The following STAG1 variants were observed in gnomAD, a reference collection of about 807,000 sequenced individuals.
The protein encoded by STAG1 is cohesin subunit SA-1.
STAG1 carries 26 observed loss-of-function variants against 170.9 expected under a neutral mutation model. The observed-to-expected ratio is 0.15, with a 90% CI of 0.11 to 0.21. STAG1 has a LOEUF of 0.21. Among genes scored for constraint, STAG1 ranks in the 10% least tolerant of loss-of-function variants. The pLI is 1.00. For missense variants in STAG1, 964 were observed against 1,509.5 expected, an observed-to-expected ratio of 0.64 and a Z score of 5.99; for synonymous variants, 514 against 497.7, an observed-to-expected ratio of 1.03 and a Z score of -0.44.
chr3:136,746,096 CA>C (rs949545667), intron 1 of STAG1, among the ~76,000 whole-genome samples: 2 of 152,190 alleles, frequency 1.3e-5, no homozygotes, highest in African/African-American at 4.8e-5. Flanking sequence ...ACCAAAATAA[CA>C]GAAAACTTCC....
intron 1 of STAG1, among the ~76,000 whole-genome samples, chr3:136,683,677 T>C (rs1388098557): frequency 2.6e-5 from 4 of 152,208 alleles, no homozygotes; most frequent in Non-Finnish European, 4.4e-5. Flanking sequence ...TTCGACAATG[T>C]AATGGAAGTC....
chr3:136,507,211 T>C (rs1328351736), intron 7 of STAG1, among the ~76,000 whole-genome samples: 1 of 152,202 alleles, frequency 6.6e-6, no homozygotes, highest in East Asian at 1.9e-4. Context: ...ACACACCATA[T>C]TGTCTCTCAC....
At chr3:136,348,271 T>C (rs1936308342) in intron 29 of STAG1, among the ~76,000 whole-genome samples, 1 of 152,022 alleles carries the variant, frequency 6.6e-6, no homozygotes, top group African/African-American at 2.4e-5. Context: ...GAATGCTTTG[T>C]TTTAATAGAG....
At chr3:136,365,540 A>T (rs1483510535) in intron 25 of STAG1, among the ~76,000 whole-genome samples, 1 of 152,158 alleles carries the variant, frequency 6.6e-6, no homozygotes, top group Admixed American at 6.5e-5. Context: ...TCCACCCTAA[A>T]TATTTTTCAT....
intron 5 of STAG1, among the ~76,000 whole-genome samples, chr3:136,564,329 T>C (rs1936971834): frequency 6.6e-6 from 1 of 151,854 alleles, no homozygotes; most frequent in African/African-American, 2.4e-5. Context: ...TACAAAAGAG[T>C]TTATCAATTT....
chr3:136,451,960 AAATT>A, intron 14 of STAG1, 69 bp downstream of exon 14: 1 of 1,019,796 alleles, frequency 9.8e-7, no homozygotes. Flanking sequence ...TGATTGAAAA[AAATT>A]AAAATGAATT....
At chr3:136,714,735 A>AAAATAAAT (rs568756439) in intron 1 of STAG1, among the ~76,000 whole-genome samples, 3 of 150,656 alleles carry the variant, frequency 2.0e-5, no homozygotes, top group African/African-American at 7.3e-5. Flanking sequence ...CTCAAAAATA[A>AAAATAAAT]AAATAAATAA....
chr3:136,667,456 G>A (rs1214673567), intron 1 of STAG1, among the ~76,000 whole-genome samples: 2 of 152,174 alleles, frequency 1.3e-5, no homozygotes, highest in Non-Finnish European at 2.9e-5. Context: ...GTGAGATTAT[G>A]ACATAGGTAT....
chr3:136,714,170 C>T (rs1347837568), intron 1 of STAG1, among the ~76,000 whole-genome samples: 2 of 152,068 alleles, frequency 1.3e-5, no homozygotes, highest in Admixed American at 6.5e-5. Flanking sequence ...AGAGCCTGCA[C>T]TCCCGTCTGA....
In STAG1 at chr3:136,523,562, G is replaced by C. The variant is rs146808013; in HGVS notation, c.472-2145C>G. Among the ~76,000 whole-genome samples the C allele has an allele frequency of 2.9e-3, 445 of 152,210 alleles. 3 individuals are homozygous for C. The highest frequency in any genetic ancestry group is 0.01 in the African/African-American group (429 of 41,538). On this transcript the variant is annotated intron_variant, in intron 6 of 33. Coordinates refer to ENST00000383202, the MANE Select transcript of STAG1 (RefSeq NM_005862.3). ...TGTAGGTTACCTGTTCACTCTGATGGTAGTTTCTTTTGCTGTGCAGAAGCT... is the reference window on the plus strand; with the variant it reads ...TGTAGGTTACCTGTTCACTCTGATGCTAGTTTCTTTTGCTGTGCAGAAGCT...
intron 5 of STAG1, among the ~76,000 whole-genome samples, chr3:136,563,491 A>G (rs1474509957): frequency 3.3e-5 from 5 of 151,350 alleles, no homozygotes; most frequent in African/African-American, 9.7e-5. Flanking sequence ...CCTCACCTCA[A>G]TTCCCTCTAA....
chr3:136,617,880 C>G (rs1939668617), intron 3 of STAG1, among the ~76,000 whole-genome samples: 1 of 152,108 alleles, frequency 6.6e-6, no homozygotes, highest in African/African-American at 2.4e-5. Context: ...AAATTCCCAA[C>G]AGTCTACATT....
intron 21 of STAG1, among the ~76,000 whole-genome samples, chr3:136,413,529 G>A (rs1045399489): frequency 4.0e-5 from 6 of 151,738 alleles, no homozygotes; most frequent in Non-Finnish European, 8.8e-5. Flanking sequence ...CGTGATCTTG[G>A]CTCACCGCAA....
intron 6 of STAG1, among the ~76,000 whole-genome samples, chr3:136,521,802 T>C (rs1221678116): frequency 6.6e-6 from 1 of 152,216 alleles, no homozygotes; most frequent in Non-Finnish European, 1.5e-5. Flanking sequence ...ATGATACCTG[T>C]GTCATACCAC....
chr3:136,569,835 C>T (rs1301047784), intron 4 of STAG1, among the ~76,000 whole-genome samples: 2 of 151,854 alleles, frequency 1.3e-5, no homozygotes, highest in African/African-American at 4.8e-5. Flanking sequence ...ATTATTAAAA[C>T]TTACAGGATA....
intron 1 of STAG1, among the ~76,000 whole-genome samples, chr3:136,682,433 A>T (rs1395267970): frequency 1.4e-5 from 2 of 144,990 alleles, no homozygotes; most frequent in Non-Finnish European, 3.1e-5. Context: ...TCACAAAATT[A>T]AAAAAAAAAT....
chr3:136,519,238 G>GCATC (rs956415494), intron 7 of STAG1, among the ~76,000 whole-genome samples: 1 of 152,034 alleles, frequency 6.6e-6, no homozygotes, highest in African/African-American at 2.4e-5. Flanking sequence ...AGAGTAAATG[G>GCATC]CATACAATTA....
intron 1 of STAG1, among the ~76,000 whole-genome samples, chr3:136,702,050 C>T (rs947840121): frequency 6.4e-5 from 9 of 140,736 alleles, no homozygotes; most frequent in African/African-American, 2.4e-4. Flanking sequence ...GTAGCTAGGA[C>T]TACAGGCATG....
chr3:136,591,954 T>G (rs113879883), intron 4 of STAG1, among the ~76,000 whole-genome samples: 178 of 151,972 alleles, frequency 1.2e-3, no homozygotes, highest in African/African-American at 2.5e-3. Context: ...GGACCAAGAG[T>G]AAGAAAGAAT....
Sources: allele counts gnomAD v4.1 joint callset (sites outside exome capture counted in the v4.1 genomes callset), GRCh38; gene constraint gnomAD v4.1.1; transcripts MANE v1.5; gene names NCBI Gene and HGNC (gene_info 2026-07-23, HGNC 2026-07-21).